Variants in GRID2 observed in about 807,000 individuals in gnomAD.
The protein encoded by GRID2 is glutamate receptor ionotropic, delta-2.
Under a neutral mutation model 114.8 loss-of-function variants are expected in GRID2, and 33 were observed. The observed-to-expected ratio is 0.29, with a 90% CI of 0.22 to 0.38. The LOEUF (loss-of-function observed/expected upper bound fraction) is 0.38. GRID2 is among the 10% of genes least tolerant of loss of function. The pLI is 1.00. For synonymous variants in GRID2, 505 were observed against 449.9 expected, an observed-to-expected ratio of 1.12 and a Z score of -1.55; for missense variants, 1,184 against 1,257.7, an observed-to-expected ratio of 0.94 and a Z score of 0.89.
intron 8 of GRID2, among the ~76,000 whole-genome samples, chr4:93,341,058 C>T (rs897323907): frequency 2.6e-5 from 4 of 151,948 alleles, no homozygotes; most frequent in African/African-American, 4.8e-5. Flanking sequence ...AGATAAACAG[C>T]GGTTTAAAAT....
chr4:92,733,432 C>T (rs1026785305), intron 2 of GRID2, among the ~76,000 whole-genome samples: 1 of 152,002 alleles, frequency 6.6e-6, no homozygotes, highest in African/African-American at 2.4e-5. Flanking sequence ...AGTGACCTCT[C>T]CCGAGGAGTC....
chr4:92,869,314 A>C (rs879662680), intron 2 of GRID2, among the ~76,000 whole-genome samples: 8 of 152,222 alleles, frequency 5.3e-5, no homozygotes, highest in Non-Finnish European at 1.0e-4. Flanking sequence ...ATAGGTACTC[A>C]ATACAGAAGC....
intron 2 of GRID2, among the ~76,000 whole-genome samples, chr4:92,859,648 A>G (rs941476448): frequency 2.6e-5 from 4 of 152,196 alleles, no homozygotes; most frequent in Non-Finnish European, 4.4e-5. Flanking sequence ...CTAGGAGACA[A>G]TCATACACAA....
At chr4:93,277,876 A>G (rs1489951979) in intron 8 of GRID2, among the ~76,000 whole-genome samples, 1 of 151,968 alleles carries the variant, frequency 6.6e-6, no homozygotes, top group Non-Finnish European at 1.5e-5. Flanking sequence ...GGGAACACGT[A>G]TTGAATTTTC....
At chr4:92,379,839 A>G (rs1314051040) in intron 1 of GRID2, among the ~76,000 whole-genome samples, 2 of 151,992 alleles carry the variant, frequency 1.3e-5, no homozygotes, top group African/African-American at 4.8e-5. Flanking sequence ...ATAGCTAATA[A>G]AGTTTCATTT....
chr4:93,075,153 G>C (rs962789555), intron 2 of GRID2, among the ~76,000 whole-genome samples: 4 of 152,038 alleles, frequency 2.6e-5, no homozygotes, highest in African/African-American at 9.7e-5. Context: ...TTAACATTCA[G>C]AAATCAATCA....
chr4:93,261,693 A>G (rs1750271612), intron 8 of GRID2, among the ~76,000 whole-genome samples: 1 of 151,852 alleles, frequency 6.6e-6, no homozygotes, highest in African/African-American at 2.4e-5. Flanking sequence ...AGGAATTTGT[A>G]TAGGAGTATG....
At chr4:92,919,029 T>G (rs1212159785) in intron 2 of GRID2, among the ~76,000 whole-genome samples, 2 of 152,234 alleles carry the variant, frequency 1.3e-5, no homozygotes, top group East Asian at 3.9e-4. Flanking sequence ...CAATTTCAGA[T>G]CCTGTTATTG....
At chr4:92,900,049 G>A (rs1287899400) in intron 2 of GRID2, among the ~76,000 whole-genome samples, 2 of 152,092 alleles carry the variant, frequency 1.3e-5, no homozygotes, top group Non-Finnish European at 2.9e-5. Context: ...ACCAGCTGAA[G>A]GGTAAATAGT....
At chr4:92,909,262 TTC>T (rs1748191989) in intron 2 of GRID2, among the ~76,000 whole-genome samples, 1 of 151,470 alleles carries the variant, frequency 6.6e-6, no homozygotes, top group Non-Finnish European at 1.5e-5. Flanking sequence ...GTTAGTTTTT[TTC>T]TTTTTTTTTT....
chr4:93,429,101 TGC>T lies in GRID2; in HGVS notation c.1545+6134_1545+6135del, dbSNP rs532195810. Among the ~76,000 whole-genome samples the T allele has an allele frequency of 2.6e-5, 4 of 152,336 alleles. No individual in the cohort carries two copies. In the South Asian group the frequency reaches 8.3e-4, roughly 32 times the overall value. On this transcript the variant is annotated intron_variant, in intron 10 of 15. Coordinates refer to ENST00000282020, the MANE Select transcript of GRID2 (RefSeq NM_001510.4). ...GCTGCTGGGATCAAGAATCGCCTACTGCCACTGCTGCTGCAGCCACTGAAATA... is the reference window on the plus strand; with the variant it reads ...GCTGCTGGGATCAAGAATCGCCTACTCACTGCTGCTGCAGCCACTGAAATA...
intron 8 of GRID2, among the ~76,000 whole-genome samples, chr4:93,263,315 C>T (rs1283665859): frequency 6.6e-6 from 1 of 151,940 alleles, no homozygotes; most frequent in African/African-American, 2.4e-5. Flanking sequence ...CTTCTACTGA[C>T]TTCTAAAGAA....
intron 8 of GRID2, among the ~76,000 whole-genome samples, chr4:93,264,547 CACGAAGACATGGGAAACCTGGG>C (rs1329421079): frequency 6.6e-6 from 1 of 151,262 alleles, no homozygotes; most frequent in Admixed American, 6.6e-5. Flanking sequence ...AAAGCACTTA[CACGAAGACATGGGAAACCTGGG>C]AAAAATAAGC....
At chr4:93,600,945 A>G (rs184413651) in intron 13 of GRID2, among the ~76,000 whole-genome samples, 1 of 152,234 alleles carries the variant, frequency 6.6e-6, no homozygotes, top group Non-Finnish European at 1.5e-5. Context: ...TATCATTTCT[A>G]TGAAGCTCAA....
intron 2 of GRID2, among the ~76,000 whole-genome samples, chr4:92,641,334 C>G (rs1200034617): frequency 2.0e-5 from 3 of 151,508 alleles, no homozygotes; most frequent in East Asian, 3.9e-4. Flanking sequence ...TGCACTTTTG[C>G]ACAGGCTGGA....
At chr4:93,676,044 C>A (rs981956821) in intron 14 of GRID2, among the ~76,000 whole-genome samples, 5 of 152,038 alleles carry the variant, frequency 3.3e-5, no homozygotes, top group East Asian at 1.9e-4. Context: ...ATGAATACAC[C>A]CGGGAAGAGT....
intron 2 of GRID2, among the ~76,000 whole-genome samples, chr4:92,766,582 A>G (rs1278657012): frequency 6.6e-6 from 1 of 151,904 alleles, no homozygotes; most frequent in South Asian, 2.1e-4. Context: ...AGGAATGGTA[A>G]TGTATGAATG....
At chr4:92,506,669 A>G (rs1286760205) in intron 1 of GRID2, among the ~76,000 whole-genome samples, 2 of 151,886 alleles carry the variant, frequency 1.3e-5, no homozygotes, top group Non-Finnish European at 2.9e-5. Flanking sequence ...CCTTACCTAT[A>G]TACGATAATA....
At chr4:92,576,718 A>G (rs1321020324) in intron 1 of GRID2, among the ~76,000 whole-genome samples, 1 of 152,066 alleles carries the variant, frequency 6.6e-6, no homozygotes, top group African/African-American at 2.4e-5. Flanking sequence ...TGGTTTGCAA[A>G]GCTCTGTGGT....
Sources: gnomAD v4.1 joint callset for allele counts (sites outside exome capture counted in the v4.1 genomes callset) on GRCh38, gnomAD v4.1.1 for gene constraint, MANE v1.5 for transcripts, NCBI Gene and HGNC (gene_info 2026-07-23, HGNC 2026-07-21) for gene names.